The following BMP1 variants were observed in gnomAD, a reference collection of about 807,000 sequenced individuals.
BMP1 encodes bone morphogenetic protein 1, also known as mammalian tolloid protein.
In BMP1, 63 loss-of-function variants were observed where a neutral mutation model predicts 116.8. The observed-to-expected ratio is 0.54, with a 90% CI of 0.44 to 0.67. The LOEUF is 0.67. Ranked by LOEUF, BMP1 falls within the 30% of genes least tolerant of loss-of-function variation. The pLI, the probability that BMP1 is intolerant of heterozygous loss-of-function variation, is 0.00. For missense variants in BMP1, 1,183 were observed against 1,358.9 expected, an observed-to-expected ratio of 0.87 and a Z score of 2.04; for synonymous variants, 536 against 533.4, an observed-to-expected ratio of 1.00 and a Z score of -0.07.
At chr8:22,209,199 G>A (rs926183748) in intron 18 of BMP1, among the ~76,000 whole-genome samples, 9 of 152,232 alleles carry the variant, frequency 5.9e-5, no homozygotes, top group Non-Finnish European at 4.4e-5. Context: ...TCGTGCCACC[G>A]CTCCATGCTG....
intron 16 of BMP1, among the ~76,000 whole-genome samples, chr8:22,204,318 G>A (rs1040191879): frequency 6.6e-6 from 1 of 152,178 alleles, no homozygotes; most frequent in Non-Finnish European, 1.5e-5. Context: ...CCGGGCCCTC[G>A]TGCTGTATCT....
At chr8:22,197,453 C>G in intron 15 of BMP1, 33 bp downstream of exon 15, 1 of 1,577,690 alleles carries the variant, frequency 6.3e-7, no homozygotes, top group Non-Finnish European at 8.7e-7. Flanking sequence ...CTAGCCCCAC[C>G]TCTCCTCGGA....
intron 18 of BMP1, among the ~76,000 whole-genome samples, chr8:22,208,227 A>G (rs1829401226): frequency 1.3e-5 from 2 of 152,222 alleles, no homozygotes; most frequent in Non-Finnish European, 1.5e-5. Flanking sequence ...ATGAGGCGGC[A>G]TCCTAAATGC....
At position 22,201,803 on chromosome 8, in the gene BMP1, A is replaced by G; in HGVS notation, c.2108A>G (p.Asp703Gly). 6.2e-7 allele frequency: 1 copy of G among 1,613,560 alleles called. No individual in the cohort carries two copies. The highest frequency in any genetic ancestry group is 1.3e-5 in the African/African-American group (1 of 75,044). Residue 703 changes from aspartate to glycine, a missense_variant and splice_region_variant, in exon 16 of 20, where the codon GAC (aspartate) becomes GGC (glycine). By Grantham distance (94) the Asp-to-Gly change is moderately conservative (BLOSUM62 -1). Around this residue, in one of 4 missense-constraint regions of BMP1, gnomAD observed 956 missense variants for 1,135.2 expected, o/e 0.84. Transcript: ENST00000306385. ...TCTGCCCTTATTTGCTCCCCTGCAG[A>G]CAAGGACGAGTGCTCCAAGGATAAC... ...KKGFKAHFFS[D>G]KDECSKDNGG...
In BMP1 at chr8:22,211,591, C is replaced by T; in HGVS notation, c.2827-3C>T. ...ACCTTACCCCATCTCTTTTCTCTGC[C>T]AGCCTCCTGAGGAGGTGTACTCGGC... is the stretch of plus-strand genomic sequence containing the variant. On this transcript the variant is annotated splice_polypyrimidine_tract_variant and splice_region_variant and intron_variant, in intron 19 of 19. Coordinates refer to ENST00000306385, the MANE Select transcript of BMP1 (RefSeq NM_006129.5). 6.2e-7 allele frequency: 1 copy of T among 1,614,182 alleles called. No individual in the cohort carries two copies. The highest frequency in any genetic ancestry group is 8.5e-7 in the Non-Finnish European group (1 of 1,180,022).
chr8:22,174,625 G>C (rs1409356290), intron 2 of BMP1, among the ~76,000 whole-genome samples: 3 of 129,440 alleles, frequency 2.3e-5, no homozygotes, highest in Middle Eastern at 4.3e-3. Flanking sequence ...CTTTTTTTCT[G>C]TCTTTTTTTT....
At position 22,165,468 on chromosome 8, in the gene BMP1, G is replaced by T; in HGVS notation, c.63G>T (p.Arg21=). ...TGCTGCTGCTCCCGCGTCCCGGCCG[G>T]CCGCTGGACTTGGCCGACTACACCT... ...LGLLLLPRPG[R]PLDLADYTYD... is the part of the protein sequence containing the mutation. The change falls in exon 1 of 20, where the codon CGG becomes CGT. Residue 21 remains arginine, a synonymous_variant. Transcript: ENST00000306385. 6.3e-7 allele frequency: 1 copy of T among 1,581,884 alleles called. No individual in the cohort carries two copies. The highest frequency in any genetic ancestry group is 2.5e-5 in the East Asian group (1 of 40,268).
intron 8 of BMP1, among the ~76,000 whole-genome samples, chr8:22,189,188 C>CCTTCTAGAAGTATCCAGACCAGATA (rs1828861053): frequency 1.3e-5 from 2 of 151,976 alleles, no homozygotes; most frequent in South Asian, 4.1e-4. Flanking sequence ...CCTTCCAGAC[C>CCTTCTAGAAGTATCCAGACCAGATA]CTTCTAGGTA....
intron 8 of BMP1, among the ~76,000 whole-genome samples, chr8:22,185,552 G>A (rs954248222): frequency 6.6e-5 from 10 of 152,106 alleles, no homozygotes; most frequent in Non-Finnish European, 1.5e-4. Context: ...AAGAACTTTT[G>A]GAGCTGGCAA....
chr8:22,187,454 C>T (rs1828805973), intron 8 of BMP1, among the ~76,000 whole-genome samples: 1 of 151,200 alleles, frequency 6.6e-6, no homozygotes, highest in African/African-American at 2.4e-5. Flanking sequence ...CCTCAGCCTC[C>T]TCAGTAGCTG....
Position 22,199,634 on chromosome 8 carries a change from G to A in BMP1, c.2108-2169G>A, listed in dbSNP as rs867503098. Among the ~76,000 whole-genome samples the A allele has an allele frequency of 1.2e-4, 18 of 152,356 alleles. No homozygotes were observed. In the Middle Eastern group the frequency reaches 0.014, roughly 115 times the overall value. On this transcript the variant is annotated intron_variant, in intron 15 of 19. Coordinates refer to ENST00000306385, the MANE Select transcript of BMP1 (RefSeq NM_006129.5). ...TGGACTAGGTTTCTAGGGCACAAAT[G>A]TGAGGAAGGGGTGGAGCGAAGGCTT...
rs370440980 is a variant in BMP1 at position 22,194,424 on chromosome 8, C to A, written c.1298-21C>A. On this transcript the variant is annotated intron_variant, in intron 10 of 19. Coordinates refer to ENST00000306385, the MANE Select transcript of BMP1 (RefSeq NM_006129.5). The surrounding 1 kb of genome is among the most constrained non-coding windows in gnomAD (Gnocchi z 4.5). ...CATGCTGACTCACCACCCCTTCCCA[C>A]CCCATCCTGTGTCCCCACAGCCATC... 2.1e-5 allele frequency: 34 copies of A among 1,613,498 alleles called. No individual in the cohort carries two copies. Among genetic ancestry groups the A allele is most frequent in the Non-Finnish European group, 2.8e-5 (33 of 1,179,714 alleles).
chr8:22,196,302 G>A (rs778445675), intron 13 of BMP1: 5 of 556,138 alleles, frequency 9.0e-6, no homozygotes, highest in South Asian at 7.0e-5. Flanking sequence ...AGCTCACTAG[G>A]CCGATCCTGC....
chr8:22,209,476 G>GACCAAGGA lies in BMP1; in HGVS notation c.2608_2615dup (p.Asp872GlufsTer88). Reference sequence around the variant, plus strand: ...GGGGCCAGGTACGGGCAGACGTGAAGACCAAGGACCTTTACTCCCACGCCC... The same window carrying GACCAAGGA: ...GGGGCCAGGTACGGGCAGACGTGAAGACCAAGGAACCAAGGACCTTTACTCCCACGCCC... On this transcript the variant is annotated frameshift_variant, in exon 19 of 20. Coordinates refer to ENST00000306385, the MANE Select transcript of BMP1 (RefSeq NM_006129.5). LOFTEE classifies it high-confidence loss of function. 6.2e-7 allele frequency: 1 copy of GACCAAGGA among 1,614,212 alleles called. No individual in the cohort carries two copies. Among genetic ancestry groups the GACCAAGGA allele is most frequent in the Non-Finnish European group, 8.5e-7 (1 of 1,180,034 alleles).
intron 16 of BMP1, among the ~76,000 whole-genome samples, chr8:22,204,698 G>A (rs1829320375): frequency 6.6e-6 from 1 of 152,100 alleles, no homozygotes; most frequent in Admixed American, 6.5e-5. Context: ...ACTCCAGCCT[G>A]GGCAACAGAG....
intron 16 of BMP1, among the ~76,000 whole-genome samples, chr8:22,204,725 C>T (rs1027788454): frequency 7.1e-6 from 1 of 140,882 alleles, no homozygotes; most frequent in Admixed American, 7.0e-5. Context: ...CCTGTCCCCC[C>T]CCACCCCGCC....
chr8:22,211,058 G>C (rs1231397576), intron 19 of BMP1, among the ~76,000 whole-genome samples: 3 of 152,218 alleles, frequency 2.0e-5, no homozygotes, highest in East Asian at 1.9e-4. Flanking sequence ...GAGAGGCGGG[G>C]CAAGGGGTAG....
At chr8:22,192,952 G>A (rs1022699543) in intron 9 of BMP1, among the ~76,000 whole-genome samples, 2 of 152,146 alleles carry the variant, frequency 1.3e-5, no homozygotes, top group African/African-American at 4.8e-5. Flanking sequence ...TTTCCCCCCA[G>A]TTTCCGATAT....
Position 22,199,201 on chromosome 8 carries a change from C to A in BMP1, c.2107+1781C>A, listed in dbSNP as rs778339217. 8.0e-6 allele frequency: 11 copies of A among 1,367,560 alleles called. 1 individual carries two copies. The highest frequency in any genetic ancestry group is 3.4e-5 in the South Asian group (3 of 88,024). The allele number at this position is 1,367,560 out of a possible 1,614,324, so 84.7% of individuals were successfully genotyped here. A position where few individuals can be genotyped will look rare whatever the true frequency, so the allele number is the denominator to read the frequency against. Reference sequence around the variant, plus strand: ...CATCGCACAAGAAACCTGCAGAGGACCCCCACTGGGGGCATCGAGGCTCAG... The same window carrying A: ...CATCGCACAAGAAACCTGCAGAGGAACCCCACTGGGGGCATCGAGGCTCAG... On this transcript the variant is annotated intron_variant, in intron 15 of 19. Coordinates refer to ENST00000306385, the MANE Select transcript of BMP1 (RefSeq NM_006129.5).
Sources: allele counts gnomAD v4.1 joint callset (sites outside exome capture counted in the v4.1 genomes callset), GRCh38; gene constraint gnomAD v4.1.1; regional missense constraint gnomAD v4.1.1; non-coding constraint Gnocchi (gnomAD v3.1); transcripts MANE v1.5; gene names NCBI Gene and HGNC (gene_info 2026-07-23, HGNC 2026-07-21).